GRID1: variants seen among roughly 807,000 people sequenced by gnomAD.
GRID1 encodes the protein glutamate receptor ionotropic, delta-1.
GRID1 carries 28 observed loss-of-function variants against 98.0 expected under a neutral mutation model. That is an observed-to-expected ratio of 0.29 (90% CI 0.21 to 0.39). The LOEUF (loss-of-function observed/expected upper bound fraction) is 0.39. GRID1 is among the 10% of genes least tolerant of loss of function. The probability of loss-of-function intolerance (pLI) is 1.00; values close to 1 mark genes in which losing one functional copy is unlikely to be tolerated. For synonymous variants in GRID1, 553 were observed against 538.5 expected (o/e 1.03, Z -0.37); for missense variants, 1,111 against 1,340.5 (o/e 0.83, Z 2.67).
At chr10:85,912,019 C>A (rs1458868008) in intron 5 of GRID1, among the ~76,000 whole-genome samples, 1 of 152,234 alleles carries the variant, frequency 6.6e-6, no homozygotes, top group Non-Finnish European at 1.5e-5. Context: ...TTCTCTGAGG[C>A]AGACAGGGAA....
intron 12 of GRID1, among the ~76,000 whole-genome samples, chr10:85,692,162 T>G (rs1020756077): frequency 6.6e-6 from 1 of 152,174 alleles, no homozygotes; most frequent in African/African-American, 2.4e-5. Context: ...CTAGGAGATC[T>G]GAGTCTCTCA....
At chr10:85,847,472 G>C (rs1230886695) in intron 8 of GRID1, among the ~76,000 whole-genome samples, 1 of 151,990 alleles carries the variant, frequency 6.6e-6, no homozygotes, top group Non-Finnish European at 1.5e-5. Context: ...TTCTGAAAAT[G>C]TACAAATGTG....
intron 4 of GRID1, among the ~76,000 whole-genome samples, chr10:85,940,462 A>G (rs1038001379): frequency 2.0e-5 from 3 of 152,226 alleles, no homozygotes. Flanking sequence ...ATTGGGATGA[A>G]TAATAAATGC....
At chr10:85,731,833 A>AAGGG (rs767286602) in intron 8 of GRID1, among the ~76,000 whole-genome samples, 10 of 68,670 alleles carry the variant, frequency 1.5e-4, no homozygotes, top group African/African-American at 3.0e-4. Flanking sequence ...GGAAGGAAGG[A>AAGGG]AGGGAGGGAG....
At chr10:85,675,539 C>G (rs1358069551) in intron 12 of GRID1, among the ~76,000 whole-genome samples, 1 of 152,136 alleles carries the variant, frequency 6.6e-6, no homozygotes, top group East Asian at 1.9e-4. Flanking sequence ...GCCTCAAGTT[C>G]CTTAAGGGAG....
intron 4 of GRID1, among the ~76,000 whole-genome samples, chr10:85,981,745 C>T (rs137957190): frequency 3.9e-5 from 6 of 152,296 alleles, no homozygotes; most frequent in Non-Finnish European, 8.8e-5. Flanking sequence ...TACTATGTGT[C>T]GGATGCTGTT....
chr10:86,235,913 G>C (rs1846530492), intron 2 of GRID1, among the ~76,000 whole-genome samples: 1 of 152,234 alleles, frequency 6.6e-6, no homozygotes, highest in Non-Finnish European at 1.5e-5. Flanking sequence ...ATTCCTAGGA[G>C]TGGAATTGCT....
At chr10:86,060,445 G>A (rs1284789068) in intron 4 of GRID1, among the ~76,000 whole-genome samples, 1 of 152,224 alleles carries the variant, frequency 6.6e-6, no homozygotes, top group Non-Finnish European at 1.5e-5. Flanking sequence ...AGCACCCAAT[G>A]TGGGCACCCA....
intron 3 of GRID1, among the ~76,000 whole-genome samples, chr10:86,170,701 T>G (rs1433344351): frequency 1.3e-5 from 2 of 152,080 alleles, no homozygotes; most frequent in Non-Finnish European, 2.9e-5. Flanking sequence ...GCGCATGCAC[T>G]CCAAGTGCCA....
intron 4 of GRID1, among the ~76,000 whole-genome samples, chr10:86,084,583 C>T (rs912732667): frequency 6.6e-6 from 1 of 152,176 alleles, no homozygotes; most frequent in African/African-American, 2.4e-5. Flanking sequence ...TACTTGCACA[C>T]CTACTTTCAC....
In GRID1 at chr10:85,837,687, G is replaced by T. The variant is rs72842915; in HGVS notation, c.1233+16809C>A. ...TCAGCAACCTCAAAGATTGAAGTTA[G>T]ATAAGCCCACAAAGATGAGAAAGAA... On this transcript the variant is annotated intron_variant, in intron 8 of 15. Transcript: ENST00000327946. 8.4e-3 allele frequency among the ~76,000 whole-genome samples: 1,260 copies of T among 150,620 alleles called. 47 individuals are homozygous for T. In the East Asian group the frequency reaches 0.11, roughly 14 times the overall value.
chr10:85,827,437 CAGAG>C (rs1459343779), intron 8 of GRID1, among the ~76,000 whole-genome samples: 3 of 151,788 alleles, frequency 2.0e-5, no homozygotes, highest in South Asian at 2.1e-4. Context: ...GACAGACAGA[CAGAG>C]AGAGAATTAA....
At chr10:86,361,378 ACT>A (rs1052849284) in intron 2 of GRID1, among the ~76,000 whole-genome samples, 2 of 152,052 alleles carry the variant, frequency 1.3e-5, no homozygotes, top group African/African-American at 4.8e-5. Flanking sequence ...ACCAGCACAA[ACT>A]CTCTGGGCAG....
chr10:86,323,845 T>C (rs1028412847), intron 2 of GRID1, among the ~76,000 whole-genome samples: 25 of 152,242 alleles, frequency 1.6e-4, no homozygotes, highest in African/African-American at 6.0e-4. Flanking sequence ...TAATGTGGAA[T>C]GCAAAAGCAG....
At chr10:86,100,913 A>G (rs539567119) in intron 4 of GRID1, among the ~76,000 whole-genome samples, 1 of 152,290 alleles carries the variant, frequency 6.6e-6, no homozygotes, top group South Asian at 2.1e-4. Flanking sequence ...AGGCACCTCC[A>G]CCAACCTGTA....
intron 5 of GRID1, among the ~76,000 whole-genome samples, chr10:85,900,934 G>T (rs1841374261): frequency 6.6e-6 from 1 of 152,174 alleles, no homozygotes; most frequent in South Asian, 2.1e-4. Context: ...AGTGTGGAAA[G>T]AAGGAAAGAC....
intron 4 of GRID1, among the ~76,000 whole-genome samples, chr10:85,997,675 A>AG (rs1215441517): frequency 6.6e-6 from 1 of 152,210 alleles, no homozygotes; most frequent in Non-Finnish European, 1.5e-5. Context: ...ACAAAAACAG[A>AG]GGGGAAACAG....
At chr10:86,342,276 G>C (rs952234423) in intron 2 of GRID1, among the ~76,000 whole-genome samples, 3 of 152,182 alleles carry the variant, frequency 2.0e-5, no homozygotes, top group Non-Finnish European at 4.4e-5. Flanking sequence ...TCAGAAACCA[G>C]AGAGGGCTGT....
At position 86,340,957 on chromosome 10, in the gene GRID1, C is replaced by A. The variant is rs1482008386; in HGVS notation, c.235+22984G>T. 2.0e-5 allele frequency among the ~76,000 whole-genome samples: 3 copies of A among 152,128 alleles called. No individual in the cohort carries two copies. In the East Asian group the frequency reaches 5.8e-4, roughly 29 times the overall value. On this transcript the variant is annotated intron_variant, in intron 2 of 15. Transcript: ENST00000327946. Reference sequence around the variant, plus strand: ...GACCACAGGCAGCCCCCAACCCTGTCCCCCTTGACAGTGGGCCTGTCTGTC... The same window carrying A: ...GACCACAGGCAGCCCCCAACCCTGTACCCCTTGACAGTGGGCCTGTCTGTC...
Sources: allele counts gnomAD v4.1 joint callset (sites outside exome capture counted in the v4.1 genomes callset), GRCh38; gene constraint gnomAD v4.1.1; transcripts MANE v1.5; gene names NCBI Gene and HGNC (gene_info 2026-07-23, HGNC 2026-07-21).